The following ACTN3 variants were observed in gnomAD, a reference collection of about 807,000 sequenced individuals.
The protein encoded by ACTN3 is alpha-actinin-3.
In ACTN3, 91 loss-of-function variants were observed where a neutral mutation model predicts 119.6. The observed-to-expected ratio is 0.76, with a 90% CI of 0.64 to 0.91. ACTN3 has a LOEUF of 0.91. ACTN3 is among the 40% of genes least tolerant of loss of function. The pLI is 0.00. For missense variants in ACTN3, 1,221 were observed against 1,215.1 expected (o/e 1.00, Z -0.07); for synonymous variants, 456 against 478.8 (o/e 0.95, Z 0.62).
At chr11:66,547,397 G>C (rs936378439) in intron 1 of ACTN3, among the ~76,000 whole-genome samples, 10 of 141,308 alleles carry the variant, frequency 7.1e-5, no homozygotes, top group South Asian at 4.2e-4. Flanking sequence ...CCAAGTTAGG[G>C]GGGGTTCAGA....
Position 66,556,345 on chromosome 11 carries a change from GCA to G in ACTN3, c.804+121_804+122del, listed in dbSNP as rs573284077. ...AGGTTGGAGTGCCACTGTGCCAGCTGCACACACTCAGTCTTCAGCAGGAGCAG... is the reference window on the plus strand; with the variant it reads ...AGGTTGGAGTGCCACTGTGCCAGCTGCACACTCAGTCTTCAGCAGGAGCAG... On this transcript the variant is annotated intron_variant, in intron 8 of 20. Coordinates refer to ENST00000513398, the MANE Select transcript of ACTN3 (RefSeq NM_001104.4). The G allele has an allele frequency of 7.6e-4, 725 of 956,794 alleles. 4 individuals carry two copies. In the African/African-American group the frequency reaches 0.011, roughly 15 times the overall value. 59.3% of individuals were successfully genotyped at this position (956,794 alleles called of 1,614,324 possible).
rs117160185 is a variant in ACTN3 at position 66,550,437 on chromosome 11, G to C, written c.148-802G>C. Among the ~76,000 whole-genome samples, 200 of 152,294 alleles carry C rather than the reference G, an allele frequency of 1.3e-3. 5 individuals carry two copies. In the East Asian group the frequency reaches 0.035, roughly 27 times the overall value. On this transcript the variant is annotated intron_variant, in intron 1 of 20. Transcript: ENST00000513398. The stretch of plus-strand genomic sequence containing the variant: ...GGCTGAGGCTGAGGCTGACTTTTGG[G>C]GAAGGGGTGGGCAGTCACCCCTAGA...
rs754475463 is a variant in ACTN3 at position 66,557,147 on chromosome 11, C to T, written c.819C>T (p.Ala273=). 14 of 1,552,790 alleles carry T rather than the reference C, an allele frequency of 9.0e-6. No homozygotes were observed. In the East Asian group the frequency reaches 9.8e-5, roughly 11 times the overall value. Residue 273 remains alanine, a synonymous_variant, in exon 9 of 21, where the codon GCC becomes GCT. Transcript: ENST00000513398. ...FAGAEQAETA[A]NRICKVLAVN... ...TCCCCCCACAGGCAGAGACAGCTGC[C>T]AACAGGATCTGCAAGGTGCTGGCAG...
rs532747501 is a variant in ACTN3 at position 66,556,076 on chromosome 11, A to C, written c.719-69A>C. ...CTGGATGCTTCCAGCCCTCCCACCC[A>C]GAGAGAGTTCTCTGCCTGGGGAGGG... On this transcript the variant is annotated intron_variant, in intron 7 of 20. Transcript: ENST00000513398. 1.8e-4 allele frequency: 256 copies of C among 1,441,604 alleles called. 1 individual carries two copies. The East Asian group carries it at 6.1e-3, about 34-fold the overall frequency. 89.3% of individuals were successfully genotyped at this position (1,441,604 alleles called of 1,614,324 possible).
chr11:66,557,068 G>A (rs1026941229), intron 8 of ACTN3, 65 bp from the exon 9 acceptor site: 2 of 1,465,800 alleles, frequency 1.4e-6, no homozygotes, highest in Admixed American at 2.0e-5. Flanking sequence ...GCGGGGCTCT[G>A]GGTTTTAAGG....
In ACTN3 at chr11:66,546,915, G is replaced by C; in HGVS notation, c.-23G>C. 6 of 1,532,616 alleles carry C rather than the reference G, an allele frequency of 3.9e-6. No individual in the cohort carries two copies. Among genetic ancestry groups the C allele is most frequent in the Non-Finnish European group, 5.2e-6 (6 of 1,143,428 alleles). The allele number at this position is 1,532,616 out of a possible 1,614,324, so 94.9% of individuals were successfully genotyped here. A position where few individuals can be genotyped will look rare whatever the true frequency, so the allele number is the denominator to read the frequency against. On this transcript the variant is annotated 5_prime_UTR_variant, in exon 1 of 21. Transcript: ENST00000513398. ...GGTGTCCGAGAGCGTGCCGAGCGGA[G>C]CGAAGCCAGGAGCCCGATCGAGATG...
At chr11:66,558,266 G>C in intron 11 of ACTN3, 92 bp downstream of exon 11, 2 of 1,536,458 alleles carry the variant, frequency 1.3e-6, no homozygotes, top group Non-Finnish European at 1.8e-6. Context: ...AAAATGCACA[G>C]GACAAGGGTA....
chr11:66,562,287 T>C lies in ACTN3; in HGVS notation c.2353T>C (p.Phe785Leu). ...GAATGGGATGATGGAGCCTGATGAC[T>C]TCCGAGCTTGCCTCATCTCCATGGG... ...KQNGMMEPDD[F>L]RACLISMGYD... is the part of the protein sequence containing the mutation. The change falls in exon 19 of 21, where the codon TTC becomes CTC. Residue 785 changes from phenylalanine (F) to leucine (L), a missense_variant. Transcript: ENST00000513398. The C allele has an allele frequency of 1.2e-6, 2 of 1,613,480 alleles. No homozygotes were observed. Among genetic ancestry groups the C allele is most frequent in the East Asian group, 2.2e-5 (1 of 44,866 alleles).
At chr11:66,554,231 C>T (rs1304939398) in intron 4 of ACTN3, 100 bp downstream of exon 4, 1 of 925,328 alleles carries the variant, frequency 1.1e-6, no homozygotes, top group East Asian at 2.6e-5. Context: ...TGAAGGATCG[C>T]CCAGGAGTTC....
At chr11:66,554,495 G>T in intron 4 of ACTN3, 41 bp from the exon 5 acceptor site, 1 of 1,483,656 alleles carries the variant, frequency 6.7e-7, no homozygotes. Context: ...GGCTGACCTG[G>T]ACCCCTTCCC....
chr11:66,553,079 A>C (rs998290910), intron 3 of ACTN3, among the ~76,000 whole-genome samples: 1 of 150,708 alleles, frequency 6.6e-6, no homozygotes, highest in African/African-American at 2.4e-5. Flanking sequence ...ATACAGTGAA[A>C]TCCATCTCTA....
intron 4 of ACTN3, 104 bp downstream of exon 4, chr11:66,554,235 G>A (rs1184452618): frequency 4.8e-6 from 4 of 841,938 alleles, no homozygotes; most frequent in Non-Finnish European, 7.6e-6. Flanking sequence ...GGATCGCCCA[G>A]GAGTTCAAGA....
At position 66,553,595 on chromosome 11, in the gene ACTN3, A is replaced by T. The variant is rs1325873532; in HGVS notation, c.383-450A>T. 5.4e-5 allele frequency among the ~76,000 whole-genome samples: 8 copies of T among 148,370 alleles called. No homozygotes were observed. The East Asian group carries it at 1.6e-3, about 30-fold the overall frequency. ...AAAAAAGAAAAGAAAAAGAGGCCAGACACGGTGGCTCATGCTTGTAATCCC... is the reference window on the plus strand; with the variant it reads ...AAAAAAGAAAAGAAAAAGAGGCCAGTCACGGTGGCTCATGCTTGTAATCCC... On this transcript the variant is annotated intron_variant, in intron 3 of 20. Coordinates refer to ENST00000513398, the MANE Select transcript of ACTN3 (RefSeq NM_001104.4).
upstream of ACTN3, chr11:66,546,685 C>G (rs1857348606): frequency 1.3e-6 from 2 of 1,533,054 alleles, no homozygotes; most frequent in East Asian, 4.9e-5. Context: ...ACACAGCGCC[C>G]CAGCAGCGGA....
chr11:66,546,750 T>A, upstream of ACTN3: 2 of 1,534,856 alleles, frequency 1.3e-6, no homozygotes, highest in Non-Finnish European at 1.7e-6. Context: ...CGCCCCCGAG[T>A]CCCGCAGTTC....
intron 9 of ACTN3, 35 bp downstream of exon 9, chr11:66,557,260 C>T: frequency 6.5e-7 from 1 of 1,541,352 alleles, no homozygotes; most frequent in Non-Finnish European, 8.8e-7. Context: ...CTCCCCACCC[C>T]AGCCCTACTG....
At position 66,558,011 on chromosome 11, in the gene ACTN3, C is replaced by G; in HGVS notation, c.1129-16C>G. 2 of 1,613,700 alleles carry G rather than the reference C, an allele frequency of 1.2e-6. No homozygotes were observed. Among genetic ancestry groups the G allele is most frequent in the Non-Finnish European group, 1.7e-6 (2 of 1,179,782 alleles). On this transcript the variant is annotated splice_polypyrimidine_tract_variant and intron_variant, in intron 10 of 20. Coordinates refer to ENST00000513398, the MANE Select transcript of ACTN3 (RefSeq NM_001104.4). ...TGGGCAAACCGTGATGGAGCGCACC[C>G]CTGCCTGCTCCACAGGACATCGCCA...
chr11:66,551,650 G>A lies in ACTN3; in HGVS notation c.382+3G>A. 1.2e-6 allele frequency: 2 copies of A among 1,613,396 alleles called. No homozygotes were observed. Among genetic ancestry groups the A allele is most frequent in the Non-Finnish European group, 1.7e-6 (2 of 1,180,012 alleles). On this transcript the variant is annotated splice_donor_region_variant and intron_variant, in intron 3 of 20. Coordinates refer to ENST00000513398, the MANE Select transcript of ACTN3 (RefSeq NM_001104.4). ...ACTGGTGTCCATTGGTGCTGAAGGT[G>A]AGGAGGTGGCAGGAAGGGTCTTGGG...
chr11:66,560,793 G>A, intron 15 of ACTN3, 38 bp downstream of exon 15: 1 of 1,570,012 alleles, frequency 6.4e-7, no homozygotes, highest in Non-Finnish European at 8.7e-7. Context: ...ACCCCCTCCT[G>A]CATACTGTGA....
Sources: gnomAD v4.1 joint callset for allele counts (sites outside exome capture counted in the v4.1 genomes callset) on GRCh38, gnomAD v4.1.1 for gene constraint, MANE v1.5 for transcripts, NCBI Gene and HGNC (gene_info 2026-07-23, HGNC 2026-07-21) for gene names.